Variants in METAP2 observed in about 807,000 individuals in gnomAD.
The protein encoded by METAP2 is methionine aminopeptidase 2.
Under a neutral mutation model 59.4 loss-of-function variants are expected in METAP2, and 25 were observed. The ratio of observed to expected loss-of-function variants is 0.42; its 90% CI spans 0.31 to 0.59. The LOEUF is 0.59. Ranked by LOEUF, METAP2 falls within the 20% of genes least tolerant of loss-of-function variation. The pLI is 0.16. For missense variants in METAP2, 366 were observed against 581.2 expected, an observed-to-expected ratio of 0.63 and a Z score of 3.81; for synonymous variants, 214 against 194.1, an observed-to-expected ratio of 1.10 and a Z score of -0.85.
chr12:95,513,242 C>T (rs2076417661), intron 10 of METAP2, among the ~76,000 whole-genome samples: 1 of 152,004 alleles, frequency 6.6e-6, no homozygotes, highest in Admixed American at 6.5e-5. Context: ...CTTCCATTTA[C>T]AGCGTCTTTC....
At chr12:95,503,794 G>C (rs192339294) in intron 7 of METAP2, among the ~76,000 whole-genome samples, 1 of 152,250 alleles carries the variant, frequency 6.6e-6, no homozygotes, top group Non-Finnish European at 1.5e-5. Flanking sequence ...TATTCCCCTG[G>C]AAGTTGCAAG....
chr12:95,501,007 A>ATTTT (rs540202398), intron 7 of METAP2, among the ~76,000 whole-genome samples: 59 of 103,532 alleles, frequency 5.7e-4, no homozygotes, highest in African/African-American at 1.8e-3. Context: ...CTTTGTTGGG[A>ATTTT]TTTTTTTTTT....
Position 95,515,812 on chromosome 12 carries a change from C to T in METAP2, c.*1908C>T, listed in dbSNP as rs201643787. ...ATTAGTTTGATGTTTAACAATAGTG[C>T]CTTTAGTAAATTATTTTACAACTAA... On this transcript the variant is annotated 3_prime_UTR_variant, in exon 11 of 11. Transcript: ENST00000323666. The T allele has an allele frequency of 3.9e-5, 6 of 152,074 alleles. No individual in the cohort carries two copies. Among genetic ancestry groups the T allele is most frequent in the Non-Finnish European group, 8.8e-5 (6 of 68,024 alleles). The allele number at this position is 152,074 out of a possible 1,614,324, so 9.4% of individuals were successfully genotyped here.
chr12:95,482,200 C>T (rs376019644), intron 2 of METAP2: 1 of 451,716 alleles, frequency 2.2e-6, no homozygotes, highest in Non-Finnish European at 4.4e-6. Flanking sequence ...GCCTTGACTT[C>T]CCTGGCTCAG....
At chr12:95,506,400 G>A (rs971064647) in intron 8 of METAP2, among the ~76,000 whole-genome samples, 2 of 149,680 alleles carry the variant, frequency 1.3e-5, no homozygotes, top group African/African-American at 2.5e-5. Context: ...GGGTTCAAGC[G>A]ATTCTTCTGC....
chr12:95,511,336 T>G (rs938289345), intron 8 of METAP2, among the ~76,000 whole-genome samples: 3 of 146,918 alleles, frequency 2.0e-5, no homozygotes, highest in African/African-American at 7.5e-5. Context: ...TTAGATGACC[T>G]CCCTTGTGCC....
intron 8 of METAP2, 129 bp downstream of exon 8, chr12:95,504,290 C>A: frequency 3.1e-6 from 2 of 636,614 alleles, no homozygotes; most frequent in South Asian, 2.0e-5. Flanking sequence ...AAATGACCTG[C>A]TTAGAGCATG....
At chr12:95,503,058 T>G (rs2076328731) in intron 7 of METAP2, among the ~76,000 whole-genome samples, 2 of 152,048 alleles carry the variant, frequency 1.3e-5, no homozygotes, top group African/African-American at 4.8e-5. Context: ...CAGGTGTTTT[T>G]TCAGGGATAG....
intron 3 of METAP2, 38 bp downstream of exon 3, chr12:95,483,318 A>T (rs1048195710): frequency 6.6e-7 from 1 of 1,519,184 alleles, no homozygotes; most frequent in African/African-American, 1.4e-5. Flanking sequence ...ATATATTAGA[A>T]GTGTTTATTC....
At chr12:95,482,054 G>A (rs2076162287) in intron 2 of METAP2, 1 of 394,936 alleles carries the variant, frequency 2.5e-6, no homozygotes, top group African/African-American at 2.1e-5. Flanking sequence ...TGTGCCTTTT[G>A]TTAGGCTTTT....
At position 95,507,422 on chromosome 12, in the gene METAP2, C is replaced by T. The variant is rs552666853; in HGVS notation, c.964+3261C>T. On this transcript the variant is annotated intron_variant, in intron 8 of 10. Transcript: ENST00000323666. ...GAGAAAAATAGCCAAACAAGCCTAACACTCTTTAACATTTTTTCCACGTTG... is the reference window on the plus strand; with the variant it reads ...GAGAAAAATAGCCAAACAAGCCTAATACTCTTTAACATTTTTTCCACGTTG... Among the ~76,000 whole-genome samples, 27 of 152,368 alleles carry T rather than the reference C, an allele frequency of 1.8e-4. No homozygotes were observed. The South Asian group carries it at 4.1e-3, about 23-fold the overall frequency.
intron 2 of METAP2, among the ~76,000 whole-genome samples, chr12:95,477,726 G>A (rs900614621): frequency 3.3e-5 from 5 of 152,072 alleles, no homozygotes; most frequent in Non-Finnish European, 5.9e-5. Context: ...CATTAGTTGG[G>A]GCTGTAATTA....
intron 8 of METAP2, among the ~76,000 whole-genome samples, chr12:95,508,794 C>G (rs2076380678): frequency 6.6e-6 from 1 of 152,150 alleles, no homozygotes; most frequent in Non-Finnish European, 1.5e-5. Flanking sequence ...TTTTTAATAT[C>G]TACCCTTTTA....
Position 95,496,089 on chromosome 12 carries a change from T to G in METAP2, c.858T>G (p.Thr286=). Residue 286 remains threonine (T), a synonymous_variant, in exon 7 of 11, where the codon ACT becomes ACG. Transcript: ENST00000323666. ...LLKAVKDATN[T]GIKCAGIDVR... ...AAGCTGTAAAAGATGCTACTAACAC[T>G]GGAATAAAGGTATGTGAACTGTAAG... 1 of 1,571,740 alleles carries G rather than the reference T, an allele frequency of 6.4e-7. No individual in the cohort carries two copies. The highest frequency in any genetic ancestry group is 8.7e-7 in the Non-Finnish European group (1 of 1,146,852).
At chr12:95,513,134 A>ACACACACACACACACACAC (rs1336299007) in intron 10 of METAP2, among the ~76,000 whole-genome samples, 1 of 100,046 alleles carries the variant, frequency 1.0e-5, no homozygotes, top group Non-Finnish European at 2.1e-5. Flanking sequence ...CACACACACA[A>ACACACACACACACACACAC]GTGCTCTCTT....
At chr12:95,498,623 G>T (rs2076293139) in intron 7 of METAP2, among the ~76,000 whole-genome samples, 1 of 152,024 alleles carries the variant, frequency 6.6e-6, no homozygotes, top group Non-Finnish European at 1.5e-5. Context: ...GTTAAGTAAG[G>T]GTCCACATTC....
At position 95,502,397 on chromosome 12, in the gene METAP2, G is replaced by GC. The variant is rs1261140603; in HGVS notation, c.868-1667dup. 3.9e-5 allele frequency among the ~76,000 whole-genome samples: 6 copies of GC among 152,230 alleles called. No individual in the cohort carries two copies. The South Asian group carries it at 1.0e-3, about 26-fold the overall frequency. On this transcript the variant is annotated intron_variant, in intron 7 of 10. Coordinates refer to ENST00000323666, the MANE Select transcript of METAP2 (RefSeq NM_006838.4). ...TTTTAGTTAGCACTTTGAATATGTT[G>GC]CACTGCTGCCTTCTAGCCTTCAAAG...
chr12:95,491,816 C>G (rs2076239753), intron 4 of METAP2, among the ~76,000 whole-genome samples: 1 of 148,006 alleles, frequency 6.8e-6, no homozygotes, highest in Non-Finnish European at 1.5e-5. Flanking sequence ...CTGGTCATTA[C>G]TATTTTTTGA....
chr12:95,508,622 C>G (rs887273582), intron 8 of METAP2, among the ~76,000 whole-genome samples: 2 of 152,134 alleles, frequency 1.3e-5, no homozygotes, highest in South Asian at 4.1e-4. Context: ...TTTGTAAATT[C>G]CAACACTAGC....
Sources: gnomAD v4.1 joint callset for allele counts (sites outside exome capture counted in the v4.1 genomes callset) on GRCh38, gnomAD v4.1.1 for gene constraint, MANE v1.5 for transcripts, NCBI Gene and HGNC (gene_info 2026-07-23, HGNC 2026-07-21) for gene names.